Variants in WDFY1 observed in about 807,000 individuals in gnomAD.
The protein encoded by WDFY1 is WD repeat and FYVE domain-containing protein 1.
In WDFY1, 32 loss-of-function variants were observed where a neutral mutation model predicts 56.4. That is an observed-to-expected ratio of 0.57 (90% confidence interval 0.43 to 0.76). The LOEUF (loss-of-function observed/expected upper bound fraction) is 0.76. WDFY1 is among the 30% of genes least tolerant of loss of function. The pLI, the probability that WDFY1 is intolerant of heterozygous loss-of-function variation, is 0.00. For missense variants in WDFY1, 480 were observed against 545.7 expected (o/e 0.88, Z 1.20); for synonymous variants, 192 against 197.3 (o/e 0.97, Z 0.23).
intron 1 of WDFY1, among the ~76,000 whole-genome samples, chr2:223,935,302 G>T (rs1238222917): frequency 6.6e-6 from 1 of 152,174 alleles, no homozygotes; most frequent in Non-Finnish European, 1.5e-5. Flanking sequence ...CTTTGACGGT[G>T]ATCTGCTGTA....
chr2:223,944,398 G>A (rs552460079), intron 1 of WDFY1, among the ~76,000 whole-genome samples: 1 of 152,374 alleles, frequency 6.6e-6, no homozygotes, highest in South Asian at 2.1e-4. Flanking sequence ...AGGCTAGTGC[G>A]ACACCGCAGG....
chr2:223,890,763 G>A (rs1693255932), intron 8 of WDFY1, among the ~76,000 whole-genome samples: 1 of 152,140 alleles, frequency 6.6e-6, no homozygotes, highest in South Asian at 2.1e-4. Flanking sequence ...TCGTCACACT[G>A]CACTAGTATA....
chr2:223,916,896 C>A (rs1369106729), intron 2 of WDFY1, among the ~76,000 whole-genome samples: 1 of 150,876 alleles, frequency 6.6e-6, no homozygotes, highest in African/African-American at 2.4e-5. Flanking sequence ...CTCACCACAA[C>A]CTCTGCTTCC....
intron 3 of WDFY1, among the ~76,000 whole-genome samples, chr2:223,908,728 C>G (rs1693642599): frequency 6.6e-6 from 1 of 152,182 alleles, no homozygotes; most frequent in Non-Finnish European, 1.5e-5. Context: ...CCAGACCAAA[C>G]CCTGAGGTTC....
intron 8 of WDFY1, among the ~76,000 whole-genome samples, chr2:223,893,037 C>G (rs1433280226): frequency 6.6e-6 from 1 of 152,068 alleles, no homozygotes; most frequent in Non-Finnish European, 1.5e-5. Flanking sequence ...AAGATAATGA[C>G]AGTACAGGCA....
intron 1 of WDFY1, among the ~76,000 whole-genome samples, chr2:223,925,701 T>G (rs1368696430): frequency 1.3e-5 from 2 of 152,272 alleles, no homozygotes; most frequent in Non-Finnish European, 2.9e-5. Flanking sequence ...GTCAATCTTC[T>G]TAATGCCTGC....
chr2:223,929,189 GTT>G (rs566936287), intron 1 of WDFY1, among the ~76,000 whole-genome samples: 1,375 of 28,894 alleles, frequency 0.048, 25 homozygotes, highest in African/African-American at 0.076. Flanking sequence ...TCTGTTTTTT[GTT>G]TTTTTTTTTT....
chr2:223,939,305 A>AT (rs1689258323), intron 1 of WDFY1, among the ~76,000 whole-genome samples: 1 of 152,204 alleles, frequency 6.6e-6, no homozygotes, highest in Non-Finnish European at 1.5e-5. Flanking sequence ...GAGAGGCCAG[A>AT]TAAGTACATG....
chr2:223,904,719 T>C (rs1693568466), intron 4 of WDFY1, among the ~76,000 whole-genome samples: 1 of 152,150 alleles, frequency 6.6e-6, no homozygotes, highest in Admixed American at 6.5e-5. Flanking sequence ...AAGCATTAAG[T>C]ATAAAATTTT....
intron 4 of WDFY1, among the ~76,000 whole-genome samples, chr2:223,903,727 T>C (rs1693548143): frequency 6.6e-6 from 1 of 151,338 alleles, no homozygotes; most frequent in South Asian, 2.1e-4. Context: ...GATGGTTCAT[T>C]GTAATCTCTA....
At chr2:223,921,035 T>C (rs1342008937) in intron 1 of WDFY1, among the ~76,000 whole-genome samples, 1 of 152,044 alleles carries the variant, frequency 6.6e-6, no homozygotes, top group Non-Finnish European at 1.5e-5. Context: ...ATCAGAATAG[T>C]GGTTGCTTCT....
intron 1 of WDFY1, among the ~76,000 whole-genome samples, chr2:223,932,117 C>CTT (rs35246074): frequency 0.046 from 4,296 of 93,932 alleles, 128 homozygotes; most frequent in African/African-American, 0.061. Flanking sequence ...GTATGAGTAC[C>CTT]TTTTTTTTTT....
chr2:223,888,861 T>C (rs1294809496), intron 8 of WDFY1, among the ~76,000 whole-genome samples: 2 of 151,602 alleles, frequency 1.3e-5, no homozygotes, highest in African/African-American at 2.4e-5. Context: ...GTGCTGGGAT[T>C]ACAGGCGTGA....
At chr2:223,897,541 C>T (rs901679485) in intron 6 of WDFY1, among the ~76,000 whole-genome samples, 2 of 151,590 alleles carry the variant, frequency 1.3e-5, no homozygotes, top group South Asian at 2.1e-4. Context: ...CAACGTCCAG[C>T]TAATGTTTTT....
intron 2 of WDFY1, among the ~76,000 whole-genome samples, chr2:223,913,433 A>G (rs762636929): frequency 8.5e-5 from 13 of 152,154 alleles, no homozygotes; most frequent in Non-Finnish European, 1.8e-4. Flanking sequence ...TGGCTCTGAA[A>G]GGTACGTACT....
chr2:223,898,731 G>A (rs543871298), intron 6 of WDFY1, among the ~76,000 whole-genome samples: 5 of 152,134 alleles, frequency 3.3e-5, no homozygotes, highest in Non-Finnish European at 7.4e-5. Context: ...GGTAAGCAAC[G>A]TAGAAAGTAT....
Position 223,897,382 on chromosome 2 carries a change from A to ATTTTT in WDFY1, c.598+1575_598+1576insAAAAA, listed in dbSNP as rs1418724112. On this transcript the variant is annotated intron_variant, in intron 6 of 11. Coordinates refer to ENST00000233055, the MANE Select transcript of WDFY1 (RefSeq NM_020830.5). Reference sequence around the variant, plus strand: ...TATATATATATATATATATATATATATATATATATTTTTTAAGACGGAGTC... The same window carrying ATTTTT: ...TATATATATATATATATATATATATATTTTTTATATATATTTTTTAAGACGGAGTC... 1.5e-3 allele frequency among the ~76,000 whole-genome samples: 163 copies of ATTTTT among 106,360 alleles called. 7 individuals carry two copies. The highest frequency in any genetic ancestry group is 2.6e-3 in the African/African-American group (53 of 20,746). The allele number at this position is 106,360 out of a possible 152,430, so 69.8% of individuals were successfully genotyped here.
At chr2:223,906,329 C>G (rs1376493140) in intron 3 of WDFY1, among the ~76,000 whole-genome samples, 1 of 152,136 alleles carries the variant, frequency 6.6e-6, no homozygotes, top group African/African-American at 2.4e-5. Flanking sequence ...CACAAAAAAT[C>G]CCTCAAGACA....
At chr2:223,895,456 T>C (rs1174673549) in intron 7 of WDFY1, 48 bp downstream of exon 7, 1 of 1,613,100 alleles carries the variant, frequency 6.2e-7, no homozygotes, top group Admixed American at 1.7e-5. Flanking sequence ...TTTCACTAGC[T>C]CCCCACTAAC....
Sources: gnomAD v4.1 joint callset for allele counts (sites outside exome capture counted in the v4.1 genomes callset) on GRCh38, gnomAD v4.1.1 for gene constraint, MANE v1.5 for transcripts, NCBI Gene and HGNC (gene_info 2026-07-23, HGNC 2026-07-21) for gene names.